NPAS3: variants seen among roughly 807,000 people sequenced by gnomAD.
NPAS3 encodes neuronal PAS domain-containing protein 3.
A neutral mutation model predicts 73.1 loss-of-function variants in NPAS3; 14 were observed. The ratio of observed to expected loss-of-function variants is 0.19; its 90% CI spans 0.13 to 0.30. NPAS3 has a LOEUF of 0.30. NPAS3 is among the 10% of genes least tolerant of loss of function. The probability of loss-of-function intolerance (pLI) is 1.00; values close to 1 mark genes in which losing one functional copy is unlikely to be tolerated. For synonymous variants in NPAS3, 620 were observed against 541.5 expected (o/e 1.14, Z -2.01); for missense variants, 1,096 against 1,250.0 (o/e 0.88, Z 1.86).
chr14:33,663,411 G>T (rs1195030466), intron 5 of NPAS3, among the ~76,000 whole-genome samples: 1 of 152,182 alleles, frequency 6.6e-6, no homozygotes, highest in African/African-American at 2.4e-5. Flanking sequence ...TCCCAGGGAT[G>T]AAGCCAACTT....
intron 2 of NPAS3, among the ~76,000 whole-genome samples, chr14:33,127,389 T>G (rs1275961698): frequency 6.6e-6 from 1 of 152,184 alleles, no homozygotes; most frequent in Non-Finnish European, 1.5e-5. Flanking sequence ...AATATGTCCT[T>G]ATTTTACCTT....
At chr14:33,485,199 C>T (rs1018992874) in intron 4 of NPAS3, among the ~76,000 whole-genome samples, 5 of 152,090 alleles carry the variant, frequency 3.3e-5, no homozygotes, top group Non-Finnish European at 7.4e-5. Context: ...TGTGCTTAGC[C>T]TCATCTTTGT....
At chr14:33,105,249 G>A (rs535940659) in intron 2 of NPAS3, among the ~76,000 whole-genome samples, 1 of 152,218 alleles carries the variant, frequency 6.6e-6, no homozygotes, top group African/African-American at 2.4e-5. Context: ...GCTTTGCTCT[G>A]TCACTTAATA....
chr14:33,690,617 T>C (rs758081760), intron 6 of NPAS3, among the ~76,000 whole-genome samples: 64 of 152,202 alleles, frequency 4.2e-4, no homozygotes, highest in Middle Eastern at 3.4e-3. Context: ...TTCTACTATT[T>C]AAAATAAAAG....
chr14:33,517,926 C>T (rs933460474), intron 4 of NPAS3, among the ~76,000 whole-genome samples: 3 of 152,012 alleles, frequency 2.0e-5, no homozygotes, highest in East Asian at 1.9e-4. Context: ...TCCAAATCCT[C>T]GGCTCTCCCC....
chr14:33,638,266 C>G (rs529460607), intron 5 of NPAS3, among the ~76,000 whole-genome samples: 4 of 152,104 alleles, frequency 2.6e-5, no homozygotes, highest in African/African-American at 9.7e-5. Context: ...TTATTTTATA[C>G]TCATAATCTT....
intron 4 of NPAS3, among the ~76,000 whole-genome samples, chr14:33,389,285 A>T (rs550589092): frequency 6.6e-6 from 1 of 152,342 alleles, no homozygotes; most frequent in East Asian, 1.9e-4. Flanking sequence ...TGGAAATTAT[A>T]TATGTTTCCT....
At chr14:33,083,285 A>G (rs900986986) in intron 2 of NPAS3, among the ~76,000 whole-genome samples, 1 of 148,886 alleles carries the variant, frequency 6.7e-6, no homozygotes, top group African/African-American at 2.4e-5. Context: ...CAATCATATG[A>G]GGGTAGAGAT....
chr14:32,978,359 A>G (rs1595138813), intron 1 of NPAS3, among the ~76,000 whole-genome samples: 1 of 152,150 alleles, frequency 6.6e-6, no homozygotes, highest in African/African-American at 2.4e-5. Flanking sequence ...CAACTGGGAG[A>G]AGGGCCATCC....
In NPAS3 at chr14:33,367,242, G is replaced by A; in HGVS notation, c.442G>A (p.Ala148Thr). The change falls in exon 4 of 12, where the codon GCA becomes ACA. Residue 148 changes from alanine (A) to threonine (T), a missense_variant. Coordinates refer to ENST00000356141, the Ensembl canonical transcript of NPAS3. ...TGCACTAGCCATTGAAGTATTTGAA[G>A]CACATTTGGGAAGCCACATTTTGCA... 2.3e-6 allele frequency: 2 copies of A among 867,634 alleles called. No homozygotes were observed. The highest frequency in any genetic ancestry group is 2.0e-6 in the Non-Finnish European group (1 of 499,962). 53.7% of individuals were successfully genotyped at this position (867,634 alleles called of 1,614,324 possible). A position where few individuals can be genotyped will look rare whatever the true frequency, so the allele number is the denominator to read the frequency against.
At chr14:33,269,873 C>T (rs956207856) in intron 3 of NPAS3, among the ~76,000 whole-genome samples, 1 of 152,116 alleles carries the variant, frequency 6.6e-6, no homozygotes, top group Non-Finnish European at 1.5e-5. Context: ...CAGTGATTTA[C>T]AGAACTATGC....
At chr14:33,094,885 T>C (rs185507701) in intron 2 of NPAS3, among the ~76,000 whole-genome samples, 173 of 152,378 alleles carry the variant, frequency 1.1e-3, no homozygotes, top group African/African-American at 4.0e-3. Context: ...TAAATCTTGG[T>C]GCTTCCATGT....
intron 9 of NPAS3, among the ~76,000 whole-genome samples, chr14:33,791,652 G>A (rs548988501): frequency 2.6e-5 from 4 of 152,218 alleles, no homozygotes; most frequent in Non-Finnish European, 5.9e-5. Flanking sequence ...CAGGAAGGAG[G>A]GGGTGATCTT....
intron 3 of NPAS3, among the ~76,000 whole-genome samples, chr14:33,224,430 T>C (rs1246500027): frequency 6.6e-6 from 1 of 152,126 alleles, no homozygotes; most frequent in Non-Finnish European, 1.5e-5. Flanking sequence ...TGAAAACTAA[T>C]GTGTCTTTGA....
At chr14:33,097,808 GA>G (rs1390012527) in intron 2 of NPAS3, among the ~76,000 whole-genome samples, 1 of 151,900 alleles carries the variant, frequency 6.6e-6, no homozygotes, top group African/African-American at 2.4e-5. Context: ...TTAGTTTTGT[GA>G]AGCACCTTTT....
chr14:33,309,790 G>A (rs1241721132), intron 3 of NPAS3, among the ~76,000 whole-genome samples: 1 of 152,170 alleles, frequency 6.6e-6, no homozygotes, highest in African/African-American at 2.4e-5. Flanking sequence ...TTAACATGGT[G>A]ACAATTATTT....
chr14:33,044,671 C>T (rs539003330), intron 1 of NPAS3, among the ~76,000 whole-genome samples: 46 of 132,306 alleles, frequency 3.5e-4, no homozygotes, highest in Non-Finnish European at 5.6e-4. Flanking sequence ...TTTTTTTTGG[C>T]GGGGAGGGCA....
intron 1 of NPAS3, among the ~76,000 whole-genome samples, chr14:32,946,723 C>G (rs920769423): frequency 6.6e-6 from 1 of 152,088 alleles, no homozygotes; most frequent in African/African-American, 2.4e-5. Flanking sequence ...GTATTGGATT[C>G]ATTTTTTACA....
In NPAS3 at chr14:32,999,794, AG is replaced by A. The variant is rs926449448; in HGVS notation, c.51-56110del. Among the ~76,000 whole-genome samples the A allele has an allele frequency of 2.7e-4, 41 of 152,246 alleles. 1 individual carries two copies. Among genetic ancestry groups the A allele is most frequent in the African/African-American group, 9.9e-4 (41 of 41,526 alleles). ...CTCTTACATGTTTTTTTCCCCCTTAAGATTGTTTAACTTGGGTTTCTGTTGC... is the reference window on the plus strand; with the variant it reads ...CTCTTACATGTTTTTTTCCCCCTTAAATTGTTTAACTTGGGTTTCTGTTGC... On this transcript the variant is annotated intron_variant, in intron 1 of 11. Coordinates refer to ENST00000356141, the Ensembl canonical transcript of NPAS3.
Sources: allele counts gnomAD v4.1 joint callset (sites outside exome capture counted in the v4.1 genomes callset), GRCh38; gene constraint gnomAD v4.1.1; transcripts MANE v1.5; gene names NCBI Gene and HGNC (gene_info 2026-07-23, HGNC 2026-07-21).